AGBL4: variants seen among roughly 807,000 people sequenced by gnomAD.
The protein encoded by AGBL4 is AGBL carboxypeptidase 4.
In AGBL4, 58 loss-of-function variants were observed where a neutral mutation model predicts 66.4. That is an observed-to-expected ratio of 0.87 (90% CI 0.71 to 1.09). AGBL4 has a LOEUF of 1.09. AGBL4 is among the 50% of genes least tolerant of loss of function. The pLI is 0.00. For missense variants in AGBL4, 579 were observed against 631.0 expected, an observed-to-expected ratio of 0.92 and a Z score of 0.88; for synonymous variants, 234 against 222.9, an observed-to-expected ratio of 1.05 and a Z score of -0.44.
Position 48,645,997 on chromosome 1 carries a change from G to A in AGBL4, c.839+7340C>T, listed in dbSNP as rs141566759. Among the ~76,000 whole-genome samples the A allele has an allele frequency of 4.0e-3, 604 of 152,296 alleles. 3 individuals are homozygous for A. Among genetic ancestry groups the A allele is most frequent in the African/African-American group, 0.013 (561 of 41,558 alleles). ...GGGAACACATGATCTTCAAATGGCTGAAGGCTACCATGTGAAAGATGGGCT... is the reference window on the plus strand; with the variant it reads ...GGGAACACATGATCTTCAAATGGCTAAAGGCTACCATGTGAAAGATGGGCT... On this transcript the variant is annotated intron_variant, in intron 8 of 13. Coordinates refer to ENST00000371839, the MANE Select transcript of AGBL4 (RefSeq NM_032785.4).
At chr1:49,221,975 A>G (rs1372023257) in intron 4 of AGBL4, among the ~76,000 whole-genome samples, 1 of 152,160 alleles carries the variant, frequency 6.6e-6, no homozygotes, top group Non-Finnish European at 1.5e-5. Context: ...CAGGGTTAGC[A>G]GGCAAGATTG....
chr1:49,660,241 T>G (rs953832047), intron 3 of AGBL4, among the ~76,000 whole-genome samples: 4 of 151,926 alleles, frequency 2.6e-5, no homozygotes, highest in African/African-American at 7.3e-5. Flanking sequence ...TACAAGGAAC[T>G]CAAACAAATT....
At chr1:48,580,326 T>C (rs543240505) in intron 11 of AGBL4, among the ~76,000 whole-genome samples, 236 of 152,300 alleles carry the variant, frequency 1.5e-3, no homozygotes, top group Non-Finnish European at 2.7e-3. Context: ...CCCTAAGACC[T>C]TTCCTGTTCC....
At chr1:49,121,691 C>G (rs1012032119) in intron 4 of AGBL4, among the ~76,000 whole-genome samples, 1 of 152,228 alleles carries the variant, frequency 6.6e-6, no homozygotes, top group Non-Finnish European at 1.5e-5. Flanking sequence ...GGCAGTCTGT[C>G]CATTCTCAGA....
At chr1:49,732,756 A>C (rs932806958) in intron 2 of AGBL4, among the ~76,000 whole-genome samples, 3 of 152,168 alleles carry the variant, frequency 2.0e-5, no homozygotes, top group African/African-American at 7.2e-5. Context: ...AAATGAACTA[A>C]GCCTCAAAGA....
chr1:48,759,572 T>C (rs1644143834), intron 6 of AGBL4, among the ~76,000 whole-genome samples: 1 of 152,228 alleles, frequency 6.6e-6, no homozygotes, highest in Admixed American at 6.5e-5. Context: ...GCCTCCTGGA[T>C]GCATATACCA....
chr1:48,981,817 A>T (rs1659794959), intron 5 of AGBL4, among the ~76,000 whole-genome samples: 1 of 152,118 alleles, frequency 6.6e-6, no homozygotes, highest in South Asian at 2.1e-4. Flanking sequence ...AATCGCTTGA[A>T]CCCAGGAGGC....
chr1:49,644,678 A>G (rs560611298), intron 3 of AGBL4, among the ~76,000 whole-genome samples: 3 of 151,680 alleles, frequency 2.0e-5, no homozygotes, highest in African/African-American at 7.2e-5. Context: ...TCATATATTT[A>G]AACACACATC....
intron 3 of AGBL4, among the ~76,000 whole-genome samples, chr1:49,689,301 T>G (rs1286947768): frequency 1.3e-5 from 2 of 152,190 alleles, no homozygotes; most frequent in East Asian, 3.8e-4. Context: ...GATATCCAGT[T>G]TTCCTAGCAG....
chr1:49,440,677 A>G (rs1398104585), intron 3 of AGBL4, among the ~76,000 whole-genome samples: 1 of 152,164 alleles, frequency 6.6e-6, no homozygotes, highest in African/African-American at 2.4e-5. Context: ...AGTGAGTCTT[A>G]TATCCTCTAG....
At chr1:49,893,885 G>C (rs755654849) in intron 1 of AGBL4, among the ~76,000 whole-genome samples, 4 of 152,152 alleles carry the variant, frequency 2.6e-5, no homozygotes, top group Non-Finnish European at 5.9e-5. Context: ...ATAGGCAGTA[G>C]ACAGGTAGTA....
At chr1:49,269,990 A>G (rs1465994642) in intron 3 of AGBL4, among the ~76,000 whole-genome samples, 2 of 152,160 alleles carry the variant, frequency 1.3e-5, no homozygotes, top group Admixed American at 1.3e-4. Flanking sequence ...ATGAAAAAAT[A>G]TGAATTTCTT....
chr1:49,728,949 G>A (rs2124706782), intron 2 of AGBL4, among the ~76,000 whole-genome samples: 1 of 152,282 alleles, frequency 6.6e-6, no homozygotes, highest in African/African-American at 2.4e-5. Flanking sequence ...AATGTCAAAT[G>A]CTTCGCCTAT....
intron 3 of AGBL4, among the ~76,000 whole-genome samples, chr1:49,657,539 C>T (rs1646168616): frequency 1.3e-5 from 2 of 151,154 alleles, no homozygotes; most frequent in South Asian, 4.2e-4. Flanking sequence ...AAAAAGAACC[C>T]ACATTGCCAA....
At position 49,537,568 on chromosome 1, in the gene AGBL4, C is replaced by T. The variant is rs12023988; in HGVS notation, c.282+159745G>A. Among the ~76,000 whole-genome samples, 107 of 152,270 alleles carry T rather than the reference C, an allele frequency of 7.0e-4. 2 individuals are homozygous for T. In the East Asian group the frequency reaches 0.019, roughly 27 times the overall value. ...GAAAAAAATGTTCAACATCACTAAT[C>T]ATCAGAGAAATGCAAATTAAAACCA... On this transcript the variant is annotated intron_variant, in intron 3 of 13. Transcript: ENST00000371839.
At chr1:49,464,327 G>C (rs1017246198) in intron 3 of AGBL4, among the ~76,000 whole-genome samples, 1 of 151,718 alleles carries the variant, frequency 6.6e-6, no homozygotes, top group Non-Finnish European at 1.5e-5. Flanking sequence ...TCCCAGGGAG[G>C]CTTGCCCAAT....
intron 3 of AGBL4, among the ~76,000 whole-genome samples, chr1:49,344,390 T>C (rs1269664924): frequency 6.6e-6 from 1 of 152,200 alleles, no homozygotes; most frequent in East Asian, 1.9e-4. Flanking sequence ...ATGTTTTTGG[T>C]AAGATTATAA....
At chr1:48,718,347 C>T (rs1647086392) in intron 6 of AGBL4, among the ~76,000 whole-genome samples, 1 of 152,230 alleles carries the variant, frequency 6.6e-6, no homozygotes. Flanking sequence ...AAATCTCTTC[C>T]TCTCCAAGAG....
At chr1:49,805,956 T>A (rs1644967682) in intron 2 of AGBL4, among the ~76,000 whole-genome samples, 1 of 152,226 alleles carries the variant, frequency 6.6e-6, no homozygotes, top group Non-Finnish European at 1.5e-5. Flanking sequence ...ATTTTTTAAA[T>A]AGCAGCCCAA....
Sources: gnomAD v4.1 joint callset for allele counts (sites outside exome capture counted in the v4.1 genomes callset) on GRCh38, gnomAD v4.1.1 for gene constraint, MANE v1.5 for transcripts, NCBI Gene and HGNC (gene_info 2026-07-23, HGNC 2026-07-21) for gene names.